The following TSPAN9 variants were observed in gnomAD, a reference collection of about 807,000 sequenced individuals.
TSPAN9 encodes the protein tetraspanin-9.
Under a neutral mutation model 31.0 loss-of-function variants are expected in TSPAN9, and 16 were observed. The ratio of observed to expected loss-of-function variants is 0.52; its 90% CI spans 0.35 to 0.78. The LOEUF (loss-of-function observed/expected upper bound fraction) is 0.78, where lower values mean the gene tolerates loss of function less well. Among genes scored for constraint, TSPAN9 ranks in the 30% least tolerant of loss-of-function variants. TSPAN9 has a pLI of 0.01. For missense variants in TSPAN9, 272 were observed against 312.5 expected, an observed-to-expected ratio of 0.87 and a Z score of 0.98; for synonymous variants, 145 against 121.6, an observed-to-expected ratio of 1.19 and a Z score of -1.27.
At chr12:3,267,652 T>C (rs1862561231) in intron 3 of TSPAN9, among the ~76,000 whole-genome samples, 2 of 152,214 alleles carry the variant, frequency 1.3e-5, no homozygotes, top group Non-Finnish European at 2.9e-5. Context: ...ACAAAACAAA[T>C]GCAGGAAGGA....
At chr12:3,243,510 C>G (rs746864021) in intron 3 of TSPAN9, among the ~76,000 whole-genome samples, 2 of 152,244 alleles carry the variant, frequency 1.3e-5, no homozygotes, top group Non-Finnish European at 2.9e-5. Flanking sequence ...CCGATCCCCT[C>G]ATCCCCACAG....
In TSPAN9 at chr12:3,147,857, TAGTA is replaced by T. The variant is rs958475456; in HGVS notation, c.-17-53317_-17-53314del. On this transcript the variant is annotated intron_variant, in intron 2 of 8. Coordinates refer to ENST00000011898, the MANE Select transcript of TSPAN9 (RefSeq NM_006675.5). This position sits in a 1 kb window ranked among gnomAD's most constrained non-coding sequence, Gnocchi z 4.3. ...AGGTGCGTTGTGAGTGCCTTGTTCT[TAGTA>T]AGAGATTACTAAGCTGTGTGAGTGG... is the stretch of plus-strand genomic sequence containing the variant. Among the ~76,000 whole-genome samples the T allele has an allele frequency of 6.6e-6, 1 of 152,168 alleles. No homozygotes were observed. Among genetic ancestry groups the T allele is most frequent in the African/African-American group, 2.4e-5 (1 of 41,442 alleles).
chr12:3,281,750 T>C lies in TSPAN9; in HGVS notation c.581T>C (p.Val194Ala). Reference protein sequence around the residue: ...PLWRTGCYEKVKMWFDDNKHV... With the variant: ...PLWRTGCYEKAKMWFDDNKHV... Reference sequence around the variant, plus strand: ...GCTCCCCAGGGCTGCTATGAAAAGGTGAAGATGTGGTTCGATGACAATAAG... The same window carrying C: ...GCTCCCCAGGGCTGCTATGAAAAGGCGAAGATGTGGTTCGATGACAATAAG... The change falls in exon 8 of 9, where the codon GTG becomes GCG. Residue 194 changes from valine to alanine, a missense_variant. Transcript: ENST00000011898. The C allele has an allele frequency of 6.2e-7, 1 of 1,613,332 alleles. No individual in the cohort carries two copies. Among genetic ancestry groups the C allele is most frequent in the Non-Finnish European group, 8.5e-7 (1 of 1,179,450 alleles).
intron 2 of TSPAN9, among the ~76,000 whole-genome samples, chr12:3,095,634 C>G: frequency 8.0e-6 from 1 of 124,998 alleles, no homozygotes; most frequent in East Asian, 2.7e-4. Flanking sequence ...GAGGGCTGAC[C>G]CCCCCCACCT....
chr12:3,090,299 A>G (rs1031243089), intron 2 of TSPAN9, among the ~76,000 whole-genome samples: 1 of 152,330 alleles, frequency 6.6e-6, no homozygotes, highest in Non-Finnish European at 1.5e-5. Context: ...CCCAAAATAT[A>G]GTGGATTAAC....
At chr12:3,099,476 A>C (rs2098310807) in intron 2 of TSPAN9, among the ~76,000 whole-genome samples, 1 of 151,986 alleles carries the variant, frequency 6.6e-6, no homozygotes, top group African/African-American at 2.4e-5. Flanking sequence ...TTTATCTACT[A>C]GTTTCATCAT....
intron 7 of TSPAN9, 41 bp from the exon 8 acceptor site, chr12:3,281,693 G>A (rs1196285794): frequency 2.5e-6 from 4 of 1,596,748 alleles, no homozygotes; most frequent in Non-Finnish European, 2.6e-6. Flanking sequence ...GGGAGCGCAT[G>A]CTTGGGCTGG....
In TSPAN9 at chr12:3,094,728, T is replaced by G. The variant is rs11830834; in HGVS notation, c.-18+11009T>G. Among the ~76,000 whole-genome samples the G allele has an allele frequency of 4.4e-3, 662 of 152,040 alleles. 6 individuals carry two copies. Among genetic ancestry groups the G allele is most frequent in the African/African-American group, 0.015 (632 of 41,468 alleles). ...TTTTGTATTTTTAGCAGAGATGAGGTTTCTCCATGTTGGTCAGGCTGGTCT... is the reference window on the plus strand; with the variant it reads ...TTTTGTATTTTTAGCAGAGATGAGGGTTCTCCATGTTGGTCAGGCTGGTCT... On this transcript the variant is annotated intron_variant, in intron 2 of 8. Coordinates refer to ENST00000011898, the MANE Select transcript of TSPAN9 (RefSeq NM_006675.5).
At chr12:3,152,519 C>A (rs935727894) in intron 2 of TSPAN9, among the ~76,000 whole-genome samples, 6 of 152,236 alleles carry the variant, frequency 3.9e-5, no homozygotes, top group African/African-American at 1.4e-4. Flanking sequence ...GAGGGAAGGA[C>A]AGTCTTGGGG....
chr12:3,116,001 GCTAA>G, intron 2 of TSPAN9, among the ~76,000 whole-genome samples: 1 of 152,162 alleles, frequency 6.6e-6, no homozygotes, highest in South Asian at 2.1e-4. Context: ...TTTTTGACTG[GCTAA>G]CTACTTCTTA....
chr12:3,234,115 A>G (rs945991829), intron 3 of TSPAN9, among the ~76,000 whole-genome samples: 5 of 152,212 alleles, frequency 3.3e-5, no homozygotes, highest in Non-Finnish European at 7.3e-5. Flanking sequence ...ACCTCTGCCA[A>G]GTGCCTATAA....
At chr12:3,136,703 C>T (rs1403870784) in intron 2 of TSPAN9, among the ~76,000 whole-genome samples, 4 of 152,190 alleles carry the variant, frequency 2.6e-5, no homozygotes, top group African/African-American at 9.7e-5. Context: ...AACACATGTT[C>T]AGGTGCCCGT....
chr12:3,257,804 C>T (rs537546853), intron 3 of TSPAN9, among the ~76,000 whole-genome samples: 52 of 152,180 alleles, frequency 3.4e-4, no homozygotes, highest in Non-Finnish European at 5.7e-4. Context: ...GCGACTTGTG[C>T]AGCAGGTGCC....
intron 2 of TSPAN9, among the ~76,000 whole-genome samples, chr12:3,161,774 T>TCTATCTAC (rs1555146758): frequency 1.7e-5 from 1 of 59,642 alleles, no homozygotes; most frequent in African/African-American, 4.0e-5. Context: ...TGGGTTGAAA[T>TCTATCTAC]CTATCTATCT....
chr12:3,141,750 T>C (rs1256520649), intron 2 of TSPAN9, among the ~76,000 whole-genome samples: 7 of 152,174 alleles, frequency 4.6e-5, no homozygotes, highest in African/African-American at 1.7e-4. Context: ...CTAAAGGCTT[T>C]TCTCTGAGTT....
At chr12:3,087,290 C>T (rs572607832) in intron 2 of TSPAN9, among the ~76,000 whole-genome samples, 7 of 152,146 alleles carry the variant, frequency 4.6e-5, no homozygotes, top group Admixed American at 2.0e-4. Context: ...GAGGCCAAGG[C>T]GGGAGCATTG....
intron 2 of TSPAN9, among the ~76,000 whole-genome samples, chr12:3,149,321 C>T (rs1286267692): frequency 6.6e-6 from 1 of 152,134 alleles, no homozygotes; most frequent in Non-Finnish European, 1.5e-5. Context: ...TTTTGTCCTC[C>T]AAGTGTGGCA....
intron 8 of TSPAN9, chr12:3,282,191 G>A (rs1162901008): frequency 8.4e-6 from 5 of 593,718 alleles, no homozygotes; most frequent in Non-Finnish European, 1.5e-5. Context: ...ACTCTCTGTG[G>A]TGACCGTGAG....
rs1319107285 is a variant in TSPAN9 at position 3,283,933 on chromosome 12, G to A, written c.*817G>A. 1.3e-5 allele frequency: 2 copies of A among 152,648 alleles called. No homozygotes were observed. Among genetic ancestry groups the A allele is most frequent in the Admixed American group, 1.3e-4 (2 of 15,314 alleles). The allele number at this position is 152,648 out of a possible 1,614,324, so 9.5% of individuals were successfully genotyped here. A position where few individuals can be genotyped will look rare whatever the true frequency, so the allele number is the denominator to read the frequency against. The stretch of plus-strand genomic sequence containing the variant: ...GTCTGAGGACAGGAGCCTGGGAGAG[G>A]CGGGTGGAGCGTGAAGCAGGCTGGA... On this transcript the variant is annotated 3_prime_UTR_variant, in exon 9 of 9. Transcript: ENST00000011898.
Sources: gnomAD v4.1 joint callset for allele counts (sites outside exome capture counted in the v4.1 genomes callset) on GRCh38, gnomAD v4.1.1 for gene constraint, Gnocchi (gnomAD v3.1) non-coding constraint, MANE v1.5 for transcripts, NCBI Gene and HGNC (gene_info 2026-07-23, HGNC 2026-07-21) for gene names.